RPS6KA6: variants seen among roughly 807,000 people sequenced by gnomAD.
RPS6KA6 encodes the protein ribosomal protein S6 kinase A6, also known as ribosomal protein S6 kinase alpha-6.
RPS6KA6 carries 27 observed loss-of-function variants against 65.4 expected under a neutral mutation model. That is an observed-to-expected ratio of 0.41 (90% CI 0.30 to 0.57). RPS6KA6 has a LOEUF of 0.57. RPS6KA6 is among the 20% of genes least tolerant of loss of function. RPS6KA6 has a pLI of 0.24. For synonymous variants in RPS6KA6, 190 were observed against 184.2 expected (o/e 1.03, Z -0.26); for missense variants, 486 against 555.6 (o/e 0.87, Z 1.26).
At chrX:84,111,389 C>T (rs1484985608) in intron 12 of RPS6KA6, among the ~76,000 whole-genome samples, 1 of 110,825 alleles carries the variant, frequency 9.0e-6, no homozygotes, top group Non-Finnish European at 1.9e-5. Context: ...GATATAGTCG[C>T]CAGACTATCC....
rs1256405775 is a variant in RPS6KA6, at chrX:84,059,341, G to C, written c.*4936C>G. On this transcript the variant is annotated 3_prime_UTR_variant, in exon 22 of 22. Transcript: ENST00000262752. ...AGACGGGTTTCTCCATGTTGGTCAG[G>C]CTGGTCTCGAATTCCTGACCTCAGG... 2.7e-5 allele frequency: 3 copies of C among 109,396 alleles called. No individual in the cohort carries two copies. Among genetic ancestry groups the C allele is most frequent in the Non-Finnish European group, 5.7e-5 (3 of 52,656 alleles). The allele number at this position is 109,396 out of a possible 1,213,427, so 9.0% of individuals were successfully genotyped here. A position where few individuals can be genotyped will look rare whatever the true frequency, so the allele number is the denominator to read the frequency against.
chrX:84,100,116 T>A (rs1191251772), intron 18 of RPS6KA6, among the ~76,000 whole-genome samples: 1 of 111,631 alleles, frequency 9.0e-6, no homozygotes, highest in East Asian at 2.8e-4. Context: ...TACAAATATA[T>A]TATTGATTCC....
At chrX:84,118,431 G>A (rs1376791112) in intron 9 of RPS6KA6, among the ~76,000 whole-genome samples, 5 of 111,215 alleles carry the variant, frequency 4.5e-5, no homozygotes, top group Non-Finnish European at 9.4e-5. Flanking sequence ...GAAACTACAC[G>A]TTGGGTAGTT....
At chrX:84,184,887 G>T (rs1401037232) in intron 1 of RPS6KA6, among the ~76,000 whole-genome samples, 2 of 74,063 alleles carry the variant, frequency 2.7e-5, no homozygotes, top group Non-Finnish European at 5.5e-5. Flanking sequence ...CATTGCTAAA[G>T]AAATAATATA....
intron 20 of RPS6KA6, among the ~76,000 whole-genome samples, chrX:84,069,569 C>A (rs2033486539): frequency 8.9e-6 from 1 of 111,911 alleles, no homozygotes; most frequent in Non-Finnish European, 1.9e-5. Flanking sequence ...CAAATGGGAT[C>A]TAATTAAACT....
intron 1 of RPS6KA6, among the ~76,000 whole-genome samples, chrX:84,171,818 C>T (rs765589745): frequency 9.0e-6 from 1 of 110,997 alleles, no homozygotes; most frequent in Non-Finnish European, 1.9e-5. Flanking sequence ...TGTCCGAATA[C>T]TCTCCCCGCC....
intron 1 of RPS6KA6, among the ~76,000 whole-genome samples, chrX:84,181,324 T>C (rs2035850898): frequency 1.8e-5 from 2 of 111,695 alleles, no homozygotes; most frequent in Admixed American, 1.9e-4. Flanking sequence ...GTTATATGGC[T>C]GAACTATATC....
chrX:84,146,164 C>T (rs1028526666), intron 5 of RPS6KA6, among the ~76,000 whole-genome samples: 5 of 111,492 alleles, frequency 4.5e-5, no homozygotes, highest in African/African-American at 1.3e-4. Flanking sequence ...TAAGTGTTTA[C>T]TGATGGACCT....
intron 20 of RPS6KA6, among the ~76,000 whole-genome samples, chrX:84,091,470 G>C (rs1227786500): frequency 8.9e-6 from 1 of 112,537 alleles, no homozygotes; most frequent in Non-Finnish European, 1.9e-5. Context: ...CAGGCAGAAT[G>C]TAGTACATGC....
At chrX:84,084,338 T>C (rs765950246) in intron 20 of RPS6KA6, among the ~76,000 whole-genome samples, 3 of 112,536 alleles carry the variant, frequency 2.7e-5, no homozygotes, top group Admixed American at 1.9e-4. Flanking sequence ...GTGTTTATAG[T>C]TTTGGGTTTA....
chrX:84,069,329 A>G (rs1374215065), intron 20 of RPS6KA6, among the ~76,000 whole-genome samples: 2 of 112,072 alleles, frequency 1.8e-5, no homozygotes, highest in Non-Finnish European at 3.8e-5. Context: ...TCCCCTATTT[A>G]ATAAATGGTG....
chrX:84,187,088 G>A, intron 1 of RPS6KA6, among the ~76,000 whole-genome samples: 1 of 111,491 alleles, frequency 9.0e-6, no homozygotes, highest in East Asian at 2.8e-4. Context: ...TATTTATAAG[G>A]GCTGGGGTTT....
chrX:84,170,331 AC>A lies in RPS6KA6; in HGVS notation c.82-5945del, dbSNP rs1400208259. 7.2e-5 allele frequency among the ~76,000 whole-genome samples: 8 copies of A among 110,871 alleles called. No individual in the cohort carries two copies. In the Admixed American group the frequency reaches 7.7e-4, roughly 11 times the overall value. ...TAAAGATAAAGGTGGGTCCACATCT[AC>A]CTAAAATAAAGATCCGGCCAGGCAT... On this transcript the variant is annotated intron_variant, in intron 1 of 21. Coordinates refer to ENST00000262752, the MANE Select transcript of RPS6KA6 (RefSeq NM_014496.5).
At chrX:84,154,356 G>A (rs1297719789) in intron 3 of RPS6KA6, among the ~76,000 whole-genome samples, 2 of 110,962 alleles carry the variant, frequency 1.8e-5, no homozygotes, top group Non-Finnish European at 3.8e-5. Context: ...CTGGAACAAA[G>A]CTGAAGATAA....
intron 20 of RPS6KA6, among the ~76,000 whole-genome samples, chrX:84,095,305 TG>T (rs1419900134): frequency 1.8e-5 from 2 of 112,369 alleles, no homozygotes; most frequent in African/African-American, 3.2e-5. Context: ...TACTTCAAAT[TG>T]TAGCTTAAAA....
chrX:84,187,843 G>C lies in RPS6KA6; in HGVS notation c.57C>G (p.Ser19Arg). The C allele has an allele frequency of 8.3e-7, 1 of 1,204,615 alleles. No individual in the cohort carries two copies. Reference protein sequence around the residue: ...EPWDREMEVFSGGGASSGEVN... With the variant: ...EPWDREMEVFRGGGASSGEVN... ...CCTCGCCGCTGCTCGCGCCGCCGCC[G>C]CTGAACACTTCCATTTCTCGGTCCC... The change falls in exon 1 of 22, where the codon AGC becomes AGG. Residue 19 changes from serine to arginine, a missense_variant. Around this residue, in one of 3 missense-constraint regions of RPS6KA6, gnomAD observed 106 missense variants for 105.0 expected, o/e 1.01. Coordinates refer to ENST00000262752, the MANE Select transcript of RPS6KA6 (RefSeq NM_014496.5).
chrX:84,133,302 G>T lies in RPS6KA6; in HGVS notation c.646+1480C>A, dbSNP rs1437505705. ...TAGTCATTATAAAACCTTGAATTAA[G>T]GTTATAATCATAAAACTGTAAATTA... On this transcript the variant is annotated intron_variant, in intron 8 of 21. Transcript: ENST00000262752. Among the ~76,000 whole-genome samples, 3 of 111,588 alleles carry T rather than the reference G, an allele frequency of 2.7e-5. No homozygotes were observed. In the East Asian group the frequency reaches 8.4e-4, roughly 31 times the overall value.
chrX:84,064,524 G>C (rs1423865655), intron 21 of RPS6KA6, 122 bp from the exon 22 acceptor site: 2 of 615,717 alleles, frequency 3.2e-6, no homozygotes, highest in Non-Finnish European at 4.8e-6. Context: ...GAAAATAATT[G>C]AATATATTAG....
Position 84,187,971 on chromosome X carries a change from C to G in RPS6KA6, c.-72G>C. 2 of 927,077 alleles carry G rather than the reference C, an allele frequency of 2.2e-6. No homozygotes were observed. The allele number at this position is 927,077 out of a possible 1,213,427, so 76.4% of individuals were successfully genotyped here. On this transcript the variant is annotated 5_prime_UTR_variant, in exon 1 of 22. Transcript: ENST00000262752. ...GCGGCCGCGCATCCTGTCTATTGAA[C>G]TGGCCCGCCGCCGCCGCCGCCGCCG...
Sources: gnomAD v4.1 joint callset for allele counts (sites outside exome capture counted in the v4.1 genomes callset) on GRCh38, gnomAD v4.1.1 for gene constraint, gnomAD v4.1.1 regional missense constraint, MANE v1.5 for transcripts, NCBI Gene and HGNC (gene_info 2026-07-23, HGNC 2026-07-21) for gene names.